ADAMTSL1: variants seen among roughly 807,000 people sequenced by gnomAD.
The protein encoded by ADAMTSL1 is ADAMTS-like protein 1.
In ADAMTSL1, 126 loss-of-function variants were observed where a neutral mutation model predicts 201.8. The observed-to-expected ratio is 0.62, with a 90% CI of 0.54 to 0.72. The LOEUF (loss-of-function observed/expected upper bound fraction) is 0.72. ADAMTSL1 is among the 30% of genes least tolerant of loss of function. ADAMTSL1 has a pLI of 0.00. For missense variants in ADAMTSL1, 2,679 were observed against 2,277.8 expected, an observed-to-expected ratio of 1.18 and a Z score of -3.59; for synonymous variants, 1,121 against 903.4, an observed-to-expected ratio of 1.24 and a Z score of -4.32.
intron 1 of ADAMTSL1, among the ~76,000 whole-genome samples, chr9:18,012,349 G>A (rs1200973415): frequency 2.6e-5 from 4 of 152,042 alleles, no homozygotes; most frequent in African/African-American, 9.7e-5. Flanking sequence ...AACATCTGGA[G>A]AACTTGGAAT....
At chr9:18,410,940 C>G (rs1818413106) in intron 2 of ADAMTSL1, among the ~76,000 whole-genome samples, 1 of 150,684 alleles carries the variant, frequency 6.6e-6, no homozygotes, top group South Asian at 2.1e-4. Context: ...CTCCCAGGTT[C>G]AAGCGATTCT....
In ADAMTSL1 at chr9:18,056,664, A is replaced by T. The variant is rs540712100; in HGVS notation, c.88-107198A>T. Among the ~76,000 whole-genome samples, 53 of 152,354 alleles carry T rather than the reference A, an allele frequency of 3.5e-4. No homozygotes were observed. The South Asian group carries it at 0.011, about 30-fold the overall frequency. ...TCTCAACATGGCAAGCATTCAGAGC[A>T]TGGTAACTGGCCAAAAGAGGAATCT... is the stretch of plus-strand genomic sequence containing the variant. On this transcript the variant is annotated intron_variant, in intron 1 of 29. Transcript: ENST00000680146.
chr9:18,621,556 CCACACACACACACACACACACACACACA>C (rs57351480), intron 4 of ADAMTSL1, among the ~76,000 whole-genome samples: 1 of 143,634 alleles, frequency 7.0e-6, no homozygotes, highest in Non-Finnish European at 1.5e-5. Context: ...CCGTCCTCTT[CCACACACACACACACACACACACACACA>C]CACACACACA....
chr9:18,446,815 C>T (rs1404292747), intron 2 of ADAMTSL1, among the ~76,000 whole-genome samples: 1 of 152,134 alleles, frequency 6.6e-6, no homozygotes, highest in African/African-American at 2.4e-5. Context: ...CAGAATTAGG[C>T]CTACCTTGGA....
chr9:18,019,063 G>C (rs937125520), intron 1 of ADAMTSL1, among the ~76,000 whole-genome samples: 2 of 152,044 alleles, frequency 1.3e-5, no homozygotes, highest in African/African-American at 2.4e-5. Flanking sequence ...GTGCAGGAAA[G>C]TTAAGAAAAT....
At chr9:18,382,596 C>G (rs1471364199) in intron 2 of ADAMTSL1, among the ~76,000 whole-genome samples, 1 of 151,976 alleles carries the variant, frequency 6.6e-6, no homozygotes, top group African/African-American at 2.4e-5. Context: ...AAAGAAATAT[C>G]AGTATCTCCA....
At position 18,359,920 on chromosome 9, in the gene ADAMTSL1, C is replaced by T. The variant is rs549880290; in HGVS notation, c.208-144909C>T. 4.6e-4 allele frequency among the ~76,000 whole-genome samples: 67 copies of T among 145,580 alleles called. No homozygotes were observed. In the South Asian group the frequency reaches 0.013, roughly 29 times the overall value. On this transcript the variant is annotated intron_variant, in intron 2 of 29. Coordinates refer to the ADAMTSL1 transcript ENST00000680146. ...AAGTAACTTTGAAAAAGTTATTTAACCACTCTGAGCCTCATCAGTGTCCTC... is the reference window on the plus strand; with the variant it reads ...AAGTAACTTTGAAAAAGTTATTTAATCACTCTGAGCCTCATCAGTGTCCTC...
intron 1 of ADAMTSL1, among the ~76,000 whole-genome samples, chr9:18,500,000 G>A (rs1227736697): frequency 6.6e-6 from 1 of 151,978 alleles, no homozygotes; most frequent in African/African-American, 2.4e-5. Flanking sequence ...GTCTTTTATT[G>A]CTAATTTCTG....
At chr9:18,078,220 AAC>A (rs1379783787) in intron 1 of ADAMTSL1, among the ~76,000 whole-genome samples, 11 of 152,168 alleles carry the variant, frequency 7.2e-5, no homozygotes, top group Non-Finnish European at 1.5e-4. Context: ...ATAAAAATAA[AAC>A]AATTTTTTTC....
intron 2 of ADAMTSL1, among the ~76,000 whole-genome samples, chr9:18,223,597 T>C (rs1295784116): frequency 1.3e-5 from 2 of 152,140 alleles, no homozygotes; most frequent in Non-Finnish European, 2.9e-5. Flanking sequence ...ATTCAATTTG[T>C]TTATTTTTCA....
At chr9:18,231,821 C>A (rs1830656322) in intron 2 of ADAMTSL1, among the ~76,000 whole-genome samples, 1 of 152,134 alleles carries the variant, frequency 6.6e-6, no homozygotes, top group South Asian at 2.1e-4. Context: ...CTATCCTTGA[C>A]TCTCCTTGGC....
chr9:18,678,405 C>T (rs1381016442), intron 10 of ADAMTSL1, among the ~76,000 whole-genome samples: 1 of 152,132 alleles, frequency 6.6e-6, no homozygotes, highest in Non-Finnish European at 1.5e-5. Context: ...CAAGATTCCA[C>T]ATAACCCTAT....
chr9:18,050,627 C>T (rs977240811), intron 1 of ADAMTSL1, among the ~76,000 whole-genome samples: 3 of 152,016 alleles, frequency 2.0e-5, no homozygotes, highest in African/African-American at 7.3e-5. Context: ...CTTAAGAATT[C>T]TAGTCTTTTG....
chr9:17,928,932 G>C (rs1356489536), intron 1 of ADAMTSL1, among the ~76,000 whole-genome samples: 1 of 152,038 alleles, frequency 6.6e-6, no homozygotes, highest in Non-Finnish European at 1.5e-5. Flanking sequence ...AGGAAACTCT[G>C]CTTACCACTG....
intron 1 of ADAMTSL1, among the ~76,000 whole-genome samples, chr9:17,921,301 A>C (rs1826289217): frequency 2.0e-5 from 3 of 152,252 alleles, no homozygotes. Context: ...TCCAAGTCTG[A>C]AGCCCTACAG....
intron 23 of ADAMTSL1, among the ~76,000 whole-genome samples, chr9:18,841,538 G>T (rs923008860): frequency 1.3e-5 from 2 of 152,258 alleles, no homozygotes; most frequent in Middle Eastern, 3.4e-3. Context: ...GTATCAGGAT[G>T]ATGCTGGCCT....
intron 1 of ADAMTSL1, among the ~76,000 whole-genome samples, chr9:18,085,317 T>TGGGC (rs1308887544): frequency 6.6e-6 from 1 of 152,132 alleles, no homozygotes; most frequent in Non-Finnish European, 1.5e-5. Context: ...TTAACCTTAC[T>TGGGC]GGGCCTCTGT....
chr9:17,994,969 A>G (rs562254302), intron 1 of ADAMTSL1, among the ~76,000 whole-genome samples: 4 of 152,232 alleles, frequency 2.6e-5, no homozygotes, highest in East Asian at 1.9e-4. Flanking sequence ...GAGATTAACA[A>G]TTTTTAAAGA....
At chr9:17,988,478 C>T (rs1819012240) in intron 1 of ADAMTSL1, among the ~76,000 whole-genome samples, 1 of 151,786 alleles carries the variant, frequency 6.6e-6, no homozygotes. Context: ...ATGTGAAAAT[C>T]ACAAGAGTAT....
Sources: allele counts gnomAD v4.1 joint callset (sites outside exome capture counted in the v4.1 genomes callset), GRCh38; gene constraint gnomAD v4.1.1; transcripts MANE v1.5; gene names NCBI Gene and HGNC (gene_info 2026-07-23, HGNC 2026-07-21).